The following ZFAT variants were observed in gnomAD, a reference collection of about 807,000 sequenced individuals.
ZFAT encodes zinc finger and AT-hook domain containing, also known as zinc finger protein ZFAT.
A neutral mutation model predicts 117.7 loss-of-function variants in ZFAT; 64 were observed. The ratio of observed to expected loss-of-function variants is 0.54; its 90% CI spans 0.44 to 0.67. The LOEUF is 0.67. ZFAT is among the 30% of genes least tolerant of loss of function. ZFAT has a pLI of 0.00. For synonymous variants in ZFAT, 679 were observed against 615.0 expected (o/e 1.10, Z -1.54); for missense variants, 1,433 against 1,584.5 (o/e 0.90, Z 1.62).
intron 15 of ZFAT, among the ~76,000 whole-genome samples, chr8:134,495,494 C>T (rs1483657410): frequency 6.6e-6 from 1 of 152,166 alleles, no homozygotes; most frequent in East Asian, 1.9e-4. Flanking sequence ...CATGCCTCCC[C>T]CAGGGCCTCC....
At chr8:134,513,975 C>G (rs976538599) in intron 13 of ZFAT, among the ~76,000 whole-genome samples, 1 of 152,238 alleles carries the variant, frequency 6.6e-6, no homozygotes, top group African/African-American at 2.4e-5. Context: ...GACAGTAGAT[C>G]CAGGCAATGC....
At chr8:134,578,466 T>TG (rs1825478936) in intron 10 of ZFAT, among the ~76,000 whole-genome samples, 8 of 144,396 alleles carry the variant, frequency 5.5e-5, no homozygotes, top group Admixed American at 5.5e-4. Context: ...AGATGCTAGC[T>TG]GGGGGAGAGT....
chr8:134,641,624 C>G (rs576824296), intron 2 of ZFAT, among the ~76,000 whole-genome samples: 17 of 152,328 alleles, frequency 1.1e-4, no homozygotes, highest in Middle Eastern at 3.4e-3. Flanking sequence ...ACCCTGAGGT[C>G]TGAGCTGGCC....
chr8:134,674,626 TTGAACTC>T (rs1832708386), intron 1 of ZFAT: 2 of 154,898 alleles, frequency 1.3e-5, no homozygotes, highest in African/African-American at 4.8e-5. Context: ...AGAATGGCGT[TTGAACTC>T]TGATAAGGGA....
At chr8:134,693,385 A>G (rs1054316149) in intron 1 of ZFAT, among the ~76,000 whole-genome samples, 2 of 152,214 alleles carry the variant, frequency 1.3e-5, no homozygotes, top group African/African-American at 4.8e-5. Context: ...ACAATGAGAA[A>G]AGATTACAGA....
chr8:134,656,155 C>T (rs1831589210), intron 2 of ZFAT, among the ~76,000 whole-genome samples: 2 of 152,108 alleles, frequency 1.3e-5, no homozygotes, highest in African/African-American at 4.8e-5. Context: ...AGAGGGAGGG[C>T]GCTGAACTGC....
chr8:134,692,794 C>G (rs541337230), intron 1 of ZFAT, among the ~76,000 whole-genome samples: 9 of 152,364 alleles, frequency 5.9e-5, no homozygotes, highest in African/African-American at 2.2e-4. Flanking sequence ...ATACTGAACT[C>G]TAGGTAGCAG....
chr8:134,757,970 C>T, the ZFAT span, among the ~76,000 whole-genome samples: 2 of 152,232 alleles, frequency 1.3e-5, no homozygotes, highest in Admixed American at 6.5e-5. Context: ...CAACTGACTG[C>T]TGATCAATCT....
At chr8:134,535,930 C>T (rs1460404505) in intron 11 of ZFAT, among the ~76,000 whole-genome samples, 4 of 152,032 alleles carry the variant, frequency 2.6e-5, no homozygotes, top group Admixed American at 6.5e-5. Context: ...TTGCCAGCAT[C>T]GGGCAGTCAG....
At chr8:134,610,924 T>C (rs1331526779) in intron 3 of ZFAT, among the ~76,000 whole-genome samples, 1 of 152,260 alleles carries the variant, frequency 6.6e-6, no homozygotes, top group Non-Finnish European at 1.5e-5. Flanking sequence ...TTGTCTTGTC[T>C]TGTCTTCATG....
At chr8:134,626,237 C>T (rs978726431) in intron 3 of ZFAT, among the ~76,000 whole-genome samples, 4 of 152,220 alleles carry the variant, frequency 2.6e-5, no homozygotes, top group African/African-American at 9.6e-5. Context: ...TTTGAATTCA[C>T]ACGACTCTGA....
chr8:134,789,264 G>C, the ZFAT span, among the ~76,000 whole-genome samples: 1 of 152,070 alleles, frequency 6.6e-6, no homozygotes. Context: ...AGAACCTGAG[G>C]ACAAACTCCA....
intron 13 of ZFAT, among the ~76,000 whole-genome samples, chr8:134,512,974 C>A (rs918261678): frequency 1.8e-4 from 27 of 152,196 alleles, no homozygotes; most frequent in Non-Finnish European, 1.0e-4. Context: ...CTAATCTGTG[C>A]CTTACCCTGG....
At chr8:134,699,780 C>A (rs1833961534) in intron 1 of ZFAT, among the ~76,000 whole-genome samples, 1 of 152,368 alleles carries the variant, frequency 6.6e-6, no homozygotes, top group East Asian at 1.9e-4. Context: ...GCACCTCACA[C>A]AGCACTGGGA....
chr8:134,513,689 T>A (rs899523002), intron 13 of ZFAT, among the ~76,000 whole-genome samples: 1 of 152,130 alleles, frequency 6.6e-6, no homozygotes, highest in Non-Finnish European at 1.5e-5. Flanking sequence ...AGCAAAACTG[T>A]AAGGCTGGAT....
chr8:134,685,212 A>G (rs2131310864), intron 1 of ZFAT, among the ~76,000 whole-genome samples: 1 of 152,280 alleles, frequency 6.6e-6, no homozygotes, highest in East Asian at 1.9e-4. Context: ...CCTGGGGCTC[A>G]GGTTAGTGAG....
chr8:134,591,303 C>G (rs1586768227), intron 7 of ZFAT, among the ~76,000 whole-genome samples: 1 of 152,358 alleles, frequency 6.6e-6, no homozygotes, highest in Admixed American at 6.5e-5. Flanking sequence ...GACGCCCACC[C>G]AGGATGCCTC....
At position 134,647,073 on chromosome 8, in the gene ZFAT, C is replaced by T. The variant is rs774020440; in HGVS notation, c.197-9361G>A. Among the ~76,000 whole-genome samples the T allele has an allele frequency of 2.0e-4, 31 of 151,850 alleles. 1 individual carries two copies. Among genetic ancestry groups the T allele is most frequent in the South Asian group, 4.2e-4 (2 of 4,804 alleles). ...TAAGGCCAAAGCTAGACAGACACTACAAAAAAAGAAAATTACAGGCCAATA... is the reference window on the plus strand; with the variant it reads ...TAAGGCCAAAGCTAGACAGACACTATAAAAAAAGAAAATTACAGGCCAATA... On this transcript the variant is annotated intron_variant, in intron 2 of 15. Transcript: ENST00000377838.
At chr8:134,598,738 A>G (rs1250328324) in intron 7 of ZFAT, 2 of 152,262 alleles carry the variant, frequency 1.3e-5, no homozygotes, top group African/African-American at 2.4e-5. Flanking sequence ...CCAGAGCAGC[A>G]AGTTCCAAAA....
Sources: allele counts gnomAD v4.1 joint callset (sites outside exome capture counted in the v4.1 genomes callset), GRCh38; gene constraint gnomAD v4.1.1; transcripts MANE v1.5; gene names NCBI Gene and HGNC (gene_info 2026-07-23, HGNC 2026-07-21).